ZUP1: variants seen among roughly 807,000 people sequenced by gnomAD.
ZUP1 encodes the protein zinc finger containing ubiquitin peptidase 1.
Under a neutral mutation model 68.1 loss-of-function variants are expected in ZUP1, and 55 were observed. That is an observed-to-expected ratio of 0.81 (90% CI 0.65 to 1.01). The LOEUF is 1.01. Ranked by LOEUF, ZUP1 falls within the 50% of genes least tolerant of loss-of-function variation. ZUP1 has a pLI of 0.00. For missense variants in ZUP1, 684 were observed against 674.9 expected, an observed-to-expected ratio of 1.01 and a Z score of -0.15; for synonymous variants, 223 against 221.5, an observed-to-expected ratio of 1.01 and a Z score of -0.06.
At chr6:116,647,275 C>G (rs1314304443) in intron 8 of ZUP1, among the ~76,000 whole-genome samples, 184 bp downstream of exon 8, 1 of 152,134 alleles carries the variant, frequency 6.6e-6, no homozygotes, top group Non-Finnish European at 1.5e-5. Flanking sequence ...AGGAGAATCA[C>G]TTGAACCTGG....
rs1475363712 is a variant in ZUP1, at chr6:116,645,960, A to G, written c.1469-26T>C. On this transcript the variant is annotated intron_variant, in intron 8 of 9. Coordinates refer to ENST00000368576, the MANE Select transcript of ZUP1 (RefSeq NM_145062.3). ...CTATCAAAAGATTTTTAAGTTATACATACGTCACATCTATTTACAGTTATA... is the reference window on the plus strand; with the variant it reads ...CTATCAAAAGATTTTTAAGTTATACGTACGTCACATCTATTTACAGTTATA... The G allele has an allele frequency of 2.7e-6, 4 of 1,497,302 alleles. No homozygotes were observed. In the Admixed American group the frequency reaches 5.2e-5, roughly 20 times the overall value. 92.8% of individuals were successfully genotyped at this position (1,497,302 alleles called of 1,614,324 possible).
intron 7 of ZUP1, among the ~76,000 whole-genome samples, chr6:116,647,911 T>C (rs1345791137): frequency 6.6e-6 from 1 of 152,188 alleles, no homozygotes; most frequent in African/African-American, 2.4e-5. Context: ...CATTCTCTGA[T>C]ATATAAAATC....
intron 7 of ZUP1, among the ~76,000 whole-genome samples, chr6:116,649,920 C>G: frequency 6.6e-6 from 1 of 151,940 alleles, no homozygotes; most frequent in East Asian, 1.9e-4. Flanking sequence ...TGAAAAAATA[C>G]TAATATCGAA....
At chr6:116,663,023 C>A (rs532460345) in intron 2 of ZUP1, among the ~76,000 whole-genome samples, 1 of 152,166 alleles carries the variant, frequency 6.6e-6, no homozygotes, top group African/African-American at 2.4e-5. Flanking sequence ...TAGTTCTATG[C>A]CTTCATTTCC....
intron 9 of ZUP1, among the ~76,000 whole-genome samples, chr6:116,643,348 A>T (rs1418427489): frequency 1.3e-5 from 2 of 152,138 alleles, no homozygotes; most frequent in African/African-American, 2.4e-5. Flanking sequence ...TTTAAAGTTC[A>T]TATGGAACCA....
intron 8 of ZUP1, among the ~76,000 whole-genome samples, chr6:116,647,231 C>T (rs1431752918): frequency 3.3e-5 from 5 of 152,008 alleles, no homozygotes; most frequent in Non-Finnish European, 2.9e-5. Flanking sequence ...TGGTGGCAGG[C>T]GCCTGTAATC....
chr6:116,651,670 A>T lies in ZUP1; in HGVS notation c.1218T>A (p.Asp406Glu). ...MIEDAWKEGF[D>E]PQGASQLNNR... ...TATTAAGTTGAGAGGCCCCCTGAGG[A>T]TCAAAACCTTCCTTCCATGCATCTT... Residue 406 changes from aspartate (D) to glutamate (E), a missense_variant, in exon 7 of 10, where the codon GAT becomes GAA. By Grantham distance (45) the Asp-to-Glu change is conservative. Coordinates refer to ENST00000368576, the MANE Select transcript of ZUP1 (RefSeq NM_145062.3). 6.2e-7 allele frequency: 1 copy of T among 1,613,920 alleles called. No homozygotes were observed. The highest frequency in any genetic ancestry group is 8.5e-7 in the Non-Finnish European group (1 of 1,179,856).
chr6:116,657,807 T>C (rs1057313474), intron 4 of ZUP1, among the ~76,000 whole-genome samples: 1 of 151,956 alleles, frequency 6.6e-6, no homozygotes, highest in African/African-American at 2.4e-5. Flanking sequence ...CTATAAGCAA[T>C]AGGCCAGGCA....
intron 9 of ZUP1, among the ~76,000 whole-genome samples, chr6:116,640,445 C>T (rs182385987): frequency 0.033 from 5,091 of 152,130 alleles, 251 homozygotes; most frequent in African/African-American, 0.11. Flanking sequence ...AAAGAAAGGT[C>T]GGGTTACCCA....
chr6:116,635,698 C>T lies in ZUP1; in HGVS notation c.*134G>A. The T allele has an allele frequency of 1.8e-6, 1 of 570,160 alleles. No individual in the cohort carries two copies. The highest frequency in any genetic ancestry group is 2.9e-6 in the Non-Finnish European group (1 of 344,660). 35.3% of individuals were successfully genotyped at this position (570,160 alleles called of 1,614,324 possible). A position where few individuals can be genotyped will look rare whatever the true frequency, so the allele number is the denominator to read the frequency against. ...ATAGGTATAATTCAATTAACACAGGCATTTTAGAAATTAAATTATATGTTA... is the reference window on the plus strand; with the variant it reads ...ATAGGTATAATTCAATTAACACAGGTATTTTAGAAATTAAATTATATGTTA... On this transcript the variant is annotated 3_prime_UTR_variant, in exon 10 of 10. Transcript: ENST00000368576.
At chr6:116,637,035 A>G (rs1775928152) in intron 9 of ZUP1, among the ~76,000 whole-genome samples, 1 of 151,842 alleles carries the variant, frequency 6.6e-6, no homozygotes. Context: ...TGCTAAAAAA[A>G]GTTATATTAA....
At chr6:116,646,057 C>T in intron 8 of ZUP1, 123 bp from the exon 9 acceptor site, 1 of 615,052 alleles carries the variant, frequency 1.6e-6, no homozygotes. Flanking sequence ...GACTCTGACA[C>T]ATATGTATCT....
At chr6:116,663,587 T>C (rs1484158478) in intron 2 of ZUP1, among the ~76,000 whole-genome samples, 1 of 152,194 alleles carries the variant, frequency 6.6e-6, no homozygotes. Flanking sequence ...ATTTTCATTA[T>C]TAGCAGATAA....
intron 4 of ZUP1, among the ~76,000 whole-genome samples, 173 bp from the exon 5 acceptor site, chr6:116,657,025 A>AG (rs1491247434): frequency 7.9e-6 from 1 of 126,614 alleles, no homozygotes; most frequent in Non-Finnish European, 1.7e-5. Flanking sequence ...ACACACACAC[A>AG]AAAAAAAATT....
At position 116,660,801 on chromosome 6, in the gene ZUP1, CAT is replaced by C. The variant is rs1331219415; in HGVS notation, c.603_604del (p.Ile201MetfsTer12). 1 of 1,609,762 alleles carries C rather than the reference CAT, an allele frequency of 6.2e-7. No individual in the cohort carries two copies. Among genetic ancestry groups the C allele is most frequent in the Non-Finnish European group, 8.5e-7 (1 of 1,177,490 alleles). ...TTCCTGAAGAATATGGTAATTTGTA[CAT>C]ATGAGCCCACACATAGGACAATCAT... is the stretch of plus-strand genomic sequence containing the variant. On this transcript the variant is annotated frameshift_variant, in exon 3 of 10. Transcript: ENST00000368576. LOFTEE classifies it high-confidence loss of function.
chr6:116,645,817 T>A lies in ZUP1; in HGVS notation c.1586A>T (p.Glu529Val), dbSNP rs1461223268. 2.5e-6 allele frequency: 4 copies of A among 1,613,912 alleles called. No homozygotes were observed. The South Asian group carries it at 4.4e-5, about 18-fold the overall frequency. Residue 529 changes from glutamate to valine, a missense_variant, in exon 9 of 10, where the codon GAG becomes GTG. Glu to Val is a moderately radical substitution (Grantham distance 121, BLOSUM62 -2). Transcript: ENST00000368576. ...EMQKLLKQDI[E>V]ASSLKQLRKS... ...CCGAAGTTGCTTGAGACTGCTAGCC[T>A]CTATGTCTTGCTTTAATAATTTCTG...
Position 116,651,784 on chromosome 6 carries a change from T to C in ZUP1, c.1151-47A>G, listed in dbSNP as rs760616388. On this transcript the variant is annotated intron_variant, in intron 6 of 9. Coordinates refer to ENST00000368576, the MANE Select transcript of ZUP1 (RefSeq NM_145062.3). ...TGTTACATGACTGTTAATAAAGTACTGAATAATATTTAGCAGTGTATTATG... is the reference window on the plus strand; with the variant it reads ...TGTTACATGACTGTTAATAAAGTACCGAATAATATTTAGCAGTGTATTATG... The C allele has an allele frequency of 1.7e-5, 27 of 1,599,040 alleles. No homozygotes were observed. The Middle Eastern group carries it at 1.0e-3, about 59-fold the overall frequency.
At chr6:116,635,930 G>T in intron 9 of ZUP1, 51 bp from the exon 10 acceptor site, 1 of 1,237,304 alleles carries the variant, frequency 8.1e-7, no homozygotes, top group Non-Finnish European at 1.1e-6. Context: ...CAATTAATTA[G>T]AATATGTGTT....
chr6:116,643,005 C>A (rs1201666230), intron 9 of ZUP1, among the ~76,000 whole-genome samples: 6 of 152,160 alleles, frequency 3.9e-5, no homozygotes, highest in Non-Finnish European at 8.8e-5. Context: ...GATACAAAAT[C>A]AACGTACAAA....
Sources: allele counts gnomAD v4.1 joint callset (sites outside exome capture counted in the v4.1 genomes callset), GRCh38; gene constraint gnomAD v4.1.1; transcripts MANE v1.5; gene names NCBI Gene and HGNC (gene_info 2026-07-23, HGNC 2026-07-21).